The following VPS41 variants were observed in gnomAD, a reference collection of about 807,000 sequenced individuals.
The protein encoded by VPS41 is VPS41 subunit of HOPS complex.
In VPS41, 85 loss-of-function variants were observed where a neutral mutation model predicts 130.9. The observed-to-expected ratio is 0.65, with a 90% CI of 0.55 to 0.78. VPS41 has a LOEUF of 0.78. VPS41 is among the 30% of genes least tolerant of loss of function. The pLI, the probability that VPS41 is intolerant of heterozygous loss-of-function variation, is 0.00. For missense variants in VPS41, 874 were observed against 1,018.7 expected, an observed-to-expected ratio of 0.86 and a Z score of 1.93; for synonymous variants, 335 against 332.9, an observed-to-expected ratio of 1.01 and a Z score of -0.07.
chr7:38,879,869 A>C (rs1246791506), intron 2 of VPS41, among the ~76,000 whole-genome samples: 2 of 146,958 alleles, frequency 1.4e-5, no homozygotes, highest in Non-Finnish European at 3.0e-5. Flanking sequence ...TATCTTAATA[A>C]AGGTCACTAA....
intron 23 of VPS41, among the ~76,000 whole-genome samples, chr7:38,744,808 G>T (rs182212433): frequency 6.6e-6 from 1 of 152,292 alleles, no homozygotes; most frequent in Admixed American, 6.5e-5. Flanking sequence ...ACATAAAAGG[G>T]AATAGAGGAT....
At position 38,817,683 on chromosome 7, in the gene VPS41, G is replaced by A. The variant is rs1562597255; in HGVS notation, c.450+134C>T. Reference sequence around the variant, plus strand: ...CTCCCCCAAGAGATGATGATCATCAGATTTCATTACATTTGTCTTTCTCGA... The same window carrying A: ...CTCCCCCAAGAGATGATGATCATCAAATTTCATTACATTTGTCTTTCTCGA... On this transcript the variant is annotated intron_variant, in intron 7 of 28. Coordinates refer to ENST00000310301, the MANE Select transcript of VPS41 (RefSeq NM_014396.4). 7.5e-6 allele frequency: 6 copies of A among 798,662 alleles called. No individual in the cohort carries two copies. The East Asian group carries it at 1.5e-4, about 20-fold the overall frequency. 49.5% of individuals were successfully genotyped at this position (798,662 alleles called of 1,614,324 possible).
At chr7:38,853,418 C>CAA (rs57368681) in intron 4 of VPS41, among the ~76,000 whole-genome samples, 22,909 of 78,438 alleles carry the variant, frequency 0.29, 3,897 homozygotes, top group Admixed American at 0.42. Context: ...GACTCCTTCT[C>CAA]AAAAAAAAAA....
intron 21 of VPS41, among the ~76,000 whole-genome samples, chr7:38,753,425 G>A (rs1783723739): frequency 6.6e-6 from 1 of 152,048 alleles, no homozygotes; most frequent in South Asian, 2.1e-4. Context: ...GTGCCAGGCA[G>A]AGGTCTGATG....
intron 10 of VPS41, 78 bp from the exon 11 acceptor site, chr7:38,776,854 T>C (rs779875240): frequency 1.4e-5 from 10 of 725,412 alleles, no homozygotes; most frequent in Non-Finnish European, 2.4e-5. Flanking sequence ...ACAATGACTG[T>C]GAATGCTAGT....
chr7:38,815,729 G>A (rs911853256), intron 7 of VPS41, among the ~76,000 whole-genome samples: 16 of 152,104 alleles, frequency 1.1e-4, no homozygotes, highest in South Asian at 2.1e-4. Flanking sequence ...GCAGAAGAAC[G>A]TGAAAAGACT....
intron 14 of VPS41, 102 bp downstream of exon 14, chr7:38,771,096 C>G (rs1167767365): frequency 5.9e-6 from 5 of 847,920 alleles, no homozygotes; most frequent in Non-Finnish European, 7.4e-6. Context: ...AAAATAAATT[C>G]TCAAAAGATA....
At chr7:38,751,795 A>T (rs1783677950) in intron 22 of VPS41, among the ~76,000 whole-genome samples, 1 of 152,198 alleles carries the variant, frequency 6.6e-6, no homozygotes, top group South Asian at 2.1e-4. Flanking sequence ...GACTGGAGCA[A>T]CTGCTTCTGG....
chr7:38,894,829 C>T (rs1052602987), intron 2 of VPS41, among the ~76,000 whole-genome samples: 2 of 152,188 alleles, frequency 1.3e-5, no homozygotes, highest in Middle Eastern at 3.4e-3. Context: ...ATGGAAAGAG[C>T]CCAGAGTTGG....
At chr7:38,740,678 C>T (rs17617903) in intron 25 of VPS41, among the ~76,000 whole-genome samples, 32,385 of 152,038 alleles carry the variant, frequency 0.21, 4,430 homozygotes, top group Non-Finnish European at 0.31. Context: ...CAAAGCTCTC[C>T]GGAGTGAAGG....
intron 19 of VPS41, among the ~76,000 whole-genome samples, chr7:38,755,644 G>A (rs57070127): frequency 0.021 from 3,167 of 152,214 alleles, 120 homozygotes; most frequent in African/African-American, 0.072. Flanking sequence ...TCTGAAATAC[G>A]AGGGTGTTGG....
chr7:38,829,710 A>G (rs1311219619), intron 5 of VPS41, among the ~76,000 whole-genome samples: 1 of 152,250 alleles, frequency 6.6e-6, no homozygotes, highest in Non-Finnish European at 1.5e-5. Flanking sequence ...TCGAGGAAGT[A>G]GGCGCCAGGT....
chr7:38,887,355 C>A (rs2392606), intron 2 of VPS41, among the ~76,000 whole-genome samples: 95,717 of 152,028 alleles, frequency 0.63, 31,494 homozygotes, highest in East Asian at 0.89. Context: ...GAGCTGAAAA[C>A]CACAATATGA....
chr7:38,863,421 T>C (rs1296353309), intron 3 of VPS41, among the ~76,000 whole-genome samples: 2 of 152,182 alleles, frequency 1.3e-5, no homozygotes, highest in Non-Finnish European at 1.5e-5. Flanking sequence ...GCATGCTTCA[T>C]TGCAACCCAT....
intron 25 of VPS41, among the ~76,000 whole-genome samples, chr7:38,738,771 T>C (rs935822833): frequency 6.6e-6 from 1 of 152,208 alleles, no homozygotes; most frequent in African/African-American, 2.4e-5. Context: ...ACTGACTTCA[T>C]GAAGCTTTTA....
intron 11 of VPS41, chr7:38,775,414 A>T (rs1784239856): frequency 6.6e-6 from 1 of 152,108 alleles, no homozygotes; most frequent in African/African-American, 2.4e-5. Flanking sequence ...TTTATTAACA[A>T]AGGTTTCCTT....
intron 4 of VPS41, among the ~76,000 whole-genome samples, chr7:38,833,861 T>C (rs60354841): frequency 0.079 from 12,069 of 151,996 alleles, 596 homozygotes; most frequent in African/African-American, 0.13. Context: ...ATAATAAAAC[T>C]CAATAAGAAT....
intron 5 of VPS41, among the ~76,000 whole-genome samples, chr7:38,829,061 A>G (rs1200813389): frequency 1.3e-5 from 2 of 152,214 alleles, no homozygotes; most frequent in Non-Finnish European, 2.9e-5. Context: ...TTACAAATAC[A>G]TGAACACAAA....
At chr7:38,796,609 G>A in intron 8 of VPS41, 136 bp downstream of exon 8, 1 of 1,283,226 alleles carries the variant, frequency 7.8e-7, no homozygotes, top group Non-Finnish European at 1.1e-6. Flanking sequence ...TCCTAGGTAT[G>A]ATACCAATCG....
Sources: gnomAD v4.1 joint callset for allele counts (sites outside exome capture counted in the v4.1 genomes callset) on GRCh38, gnomAD v4.1.1 for gene constraint, MANE v1.5 for transcripts, NCBI Gene and HGNC (gene_info 2026-07-23, HGNC 2026-07-21) for gene names.